Variants in RBFOX1 observed in about 807,000 individuals in gnomAD.
RBFOX1 encodes the protein RNA binding fox-1 homolog 1, also known as RNA binding protein fox-1 homolog 1.
In RBFOX1, 8 loss-of-function variants were observed where a neutral mutation model predicts 57.7. The ratio of observed to expected loss-of-function variants is 0.14; its 90% CI spans 0.08 to 0.25. The LOEUF (loss-of-function observed/expected upper bound fraction) is 0.25, where lower values mean the gene tolerates loss of function less well. Ranked by LOEUF, RBFOX1 falls within the 10% of genes least tolerant of loss-of-function variation. The pLI is 1.00. For synonymous variants in RBFOX1, 326 were observed against 222.4 expected, an observed-to-expected ratio of 1.47 and a Z score of -4.15; for missense variants, 611 against 548.5, an observed-to-expected ratio of 1.11 and a Z score of -1.14.
chr16:6,925,875 A>G (rs62017711), intron 3 of RBFOX1, among the ~76,000 whole-genome samples: 229 of 152,188 alleles, frequency 1.5e-3, no homozygotes, highest in Non-Finnish European at 2.7e-3. Context: ...CTGTAATTAC[A>G]TTTCTCTATG....
intron 3 of RBFOX1, among the ~76,000 whole-genome samples, chr16:7,004,464 G>T (rs1053884260): frequency 6.6e-6 from 1 of 152,118 alleles, no homozygotes; most frequent in East Asian, 1.9e-4. Flanking sequence ...TGGATTTGAA[G>T]GTTTGGAGCC....
chr16:6,602,235 G>C (rs1213304711), intron 2 of RBFOX1, among the ~76,000 whole-genome samples: 2 of 152,166 alleles, frequency 1.3e-5, no homozygotes, highest in Non-Finnish European at 2.9e-5. Context: ...TGATAAGATA[G>C]ATGATTGGCA....
At chr16:6,516,336 A>G (rs2096377795) in intron 2 of RBFOX1, among the ~76,000 whole-genome samples, 1 of 152,318 alleles carries the variant, frequency 6.6e-6, no homozygotes, top group East Asian at 1.9e-4. Context: ...GCTGCTATCT[A>G]ATCCTCAGTT....
At chr16:7,682,661 G>C (rs187906624) in intron 14 of RBFOX1, among the ~76,000 whole-genome samples, 1 of 151,316 alleles carries the variant, frequency 6.6e-6, no homozygotes, top group Admixed American at 6.6e-5. Flanking sequence ...TAGCAGAAAT[G>C]AGTCACTCAT....
At chr16:6,887,996 GT>G (rs560507921) in intron 3 of RBFOX1, among the ~76,000 whole-genome samples, 46 of 152,068 alleles carry the variant, frequency 3.0e-4, no homozygotes, top group African/African-American at 1.1e-3. Flanking sequence ...ATCTTATTCT[GT>G]TTGGGGTTTT....
intron 4 of RBFOX1, among the ~76,000 whole-genome samples, chr16:7,450,631 C>T (rs951841436): frequency 6.6e-6 from 1 of 152,020 alleles, no homozygotes; most frequent in Non-Finnish European, 1.5e-5. Context: ...CCTTTCCAGA[C>T]CTCTCCCCTT....
intron 1 of RBFOX1, among the ~76,000 whole-genome samples, chr16:6,157,597 C>G (rs927997794): frequency 2.6e-5 from 4 of 152,122 alleles, no homozygotes; most frequent in African/African-American, 9.7e-5. Context: ...CCAGCCACCA[C>G]TAACTTAAGC....
At chr16:6,517,920 C>T (rs563774938) in intron 2 of RBFOX1, among the ~76,000 whole-genome samples, 10 of 151,972 alleles carry the variant, frequency 6.6e-5, no homozygotes, top group South Asian at 2.1e-4. Flanking sequence ...AATGAGATGT[C>T]GATAGTAGTG....
chr16:7,115,323 T>A (rs1470354949), intron 4 of RBFOX1, among the ~76,000 whole-genome samples: 1 of 152,200 alleles, frequency 6.6e-6, no homozygotes, highest in Non-Finnish European at 1.5e-5. Context: ...TGCTAGGCTT[T>A]GGATGCATGG....
intron 3 of RBFOX1, among the ~76,000 whole-genome samples, chr16:6,682,812 T>C (rs1320193764): frequency 7.5e-6 from 1 of 133,594 alleles, no homozygotes; most frequent in East Asian, 2.2e-4. Flanking sequence ...GATAGCTTAA[T>C]CAGAATTGAA....
chr16:7,489,145 T>C (rs766571211), intron 4 of RBFOX1, among the ~76,000 whole-genome samples: 4 of 152,234 alleles, frequency 2.6e-5, no homozygotes, highest in Non-Finnish European at 4.4e-5. Context: ...TCTCTGCCTC[T>C]GTCTGTCTCT....
intron 3 of RBFOX1, among the ~76,000 whole-genome samples, chr16:6,657,183 C>T (rs969391904): frequency 1.3e-5 from 2 of 151,128 alleles, no homozygotes; most frequent in African/African-American, 4.9e-5. Flanking sequence ...TTCTCTCCTC[C>T]TTTCCTTCCC....
chr16:5,908,204 A>ACACATATATACACATATATATG (rs2058518289), intron 4 of RBFOX1, among the ~76,000 whole-genome samples: 4 of 120,228 alleles, frequency 3.3e-5, no homozygotes, highest in Non-Finnish European at 1.8e-5. Context: ...ATACATATAC[A>ACACATATATACACATATATATG]CACATATATA....
At chr16:6,026,979 T>A (rs2095209011) in intron 1 of RBFOX1, among the ~76,000 whole-genome samples, 1 of 152,258 alleles carries the variant, frequency 6.6e-6, no homozygotes, top group South Asian at 2.1e-4. Flanking sequence ...CCTCTTCATT[T>A]CTTCTGAGAA....
intron 11 of RBFOX1, among the ~76,000 whole-genome samples, chr16:7,634,963 C>T (rs2061530167): frequency 1.3e-5 from 2 of 152,206 alleles, no homozygotes; most frequent in African/African-American, 2.4e-5. Flanking sequence ...AACAATTCAA[C>T]CCCTTAACAG....
chr16:5,274,905 A>G (rs2063105192), intron 1 of RBFOX1, among the ~76,000 whole-genome samples: 2 of 152,194 alleles, frequency 1.3e-5, no homozygotes, highest in African/African-American at 4.8e-5. Flanking sequence ...ATTAACTTCT[A>G]TTCTGCAGCA....
chr16:7,060,148 A>G (rs1380118830), intron 4 of RBFOX1, among the ~76,000 whole-genome samples: 3 of 152,162 alleles, frequency 2.0e-5, no homozygotes, highest in African/African-American at 7.2e-5. Flanking sequence ...GATTGTGACT[A>G]TTTTAGGACC....
At chr16:5,662,187 G>A (rs1434808475) in intron 3 of RBFOX1, among the ~76,000 whole-genome samples, 1 of 152,118 alleles carries the variant, frequency 6.6e-6, no homozygotes, top group African/African-American at 2.4e-5. Flanking sequence ...TCGTATCAAA[G>A]TTGATATGGT....
At chr16:6,590,603 C>T (rs970472326) in intron 2 of RBFOX1, among the ~76,000 whole-genome samples, 2 of 152,166 alleles carry the variant, frequency 1.3e-5, no homozygotes, top group Non-Finnish European at 2.9e-5. Context: ...CAGTTCTCAG[C>T]TTAAGAAGCT....
Sources: gnomAD v4.1 joint callset for allele counts (sites outside exome capture counted in the v4.1 genomes callset) on GRCh38, gnomAD v4.1.1 for gene constraint, MANE v1.5 for transcripts, NCBI Gene and HGNC (gene_info 2026-07-23, HGNC 2026-07-21) for gene names.